EPM2A: variants seen among roughly 807,000 people sequenced by gnomAD.
EPM2A encodes the protein laforin.
EPM2A carries 21 observed loss-of-function variants against 26.5 expected under a neutral mutation model. The ratio of observed to expected loss-of-function variants is 0.79; its 90% CI spans 0.56 to 1.14. EPM2A has a LOEUF of 1.14. Among genes scored for constraint, EPM2A ranks in the 50% most tolerant of loss-of-function variants. The pLI is 0.00. For missense variants in EPM2A, 458 were observed against 440.8 expected (o/e 1.04, Z -0.35); for synonymous variants, 217 against 177.6 (o/e 1.22, Z -1.76).
chr6:145,722,487 G>T (rs923525743), intron 1 of EPM2A, among the ~76,000 whole-genome samples: 1 of 152,134 alleles, frequency 6.6e-6, no homozygotes, highest in African/African-American at 2.4e-5. Context: ...CTAGAGCTCA[G>T]AGTTTCTATA....
At chr6:145,578,121 A>C (rs7746330) in intron 2 of EPM2A, among the ~76,000 whole-genome samples, 54,943 of 151,870 alleles carry the variant, frequency 0.36, 10,396 homozygotes, top group South Asian at 0.51. Context: ...AAAACAACCT[A>C]ATGATGCATC....
chr6:145,617,486 A>G (rs183634402), intron 2 of EPM2A, among the ~76,000 whole-genome samples: 25 of 152,374 alleles, frequency 1.6e-4, no homozygotes, highest in Non-Finnish European at 1.9e-4. Context: ...CTAGTATTAT[A>G]TAGAAAGAGA....
At chr6:145,575,083 A>G (rs1056217648) in intron 2 of EPM2A, among the ~76,000 whole-genome samples, 12 of 151,976 alleles carry the variant, frequency 7.9e-5, no homozygotes, top group East Asian at 1.9e-4. Context: ...GAGAATCAAC[A>G]TTATCTTGCC....
intron 4 of EPM2A, among the ~76,000 whole-genome samples, chr6:145,444,894 A>G (rs542240129): frequency 6.1e-4 from 93 of 151,408 alleles, no homozygotes; most frequent in African/African-American, 2.2e-3. Flanking sequence ...GACTTTTCTG[A>G]ACTAATTCTC....
chr6:145,620,782 C>T (rs1015134126), downstream of EPM2A, among the ~76,000 whole-genome samples: 1 of 152,114 alleles, frequency 6.6e-6, no homozygotes, highest in Admixed American at 6.5e-5. Context: ...ATAGTAATTG[C>T]ATATTGTTCA....
rs1343671116 is a variant in EPM2A, at chr6:145,602,938, C to A, written c.340+32307G>T. Among the ~76,000 whole-genome samples the A allele has an allele frequency of 2.0e-5, 3 of 152,154 alleles. No homozygotes were observed. In the East Asian group the frequency reaches 5.8e-4, roughly 29 times the overall value. ...AGGAATCCACGCAAGTCAGCATAAG[C>A]CTCAGTAGCTTCATGGAAATCCTGC... On this transcript the variant is annotated intron_variant, in intron 2 of 3. Coordinates refer to the EPM2A transcript ENST00000450221.
At chr6:145,405,941 T>C (rs1448505780) in intron 4 of EPM2A, among the ~76,000 whole-genome samples, 1 of 151,714 alleles carries the variant, frequency 6.6e-6, no homozygotes, top group Non-Finnish European at 1.5e-5. Flanking sequence ...TAATTGCTTA[T>C]GAAAATCTCT....
At chr6:145,668,287 A>G (rs889565182) in intron 2 of EPM2A, among the ~76,000 whole-genome samples, 1 of 152,212 alleles carries the variant, frequency 6.6e-6, no homozygotes, top group Non-Finnish European at 1.5e-5. Flanking sequence ...GAGACAAGCA[A>G]TTAACATAAT....
chr6:145,521,922 C>T lies in EPM2A; in HGVS notation c.341-19347G>A, dbSNP rs114329496. Among the ~76,000 whole-genome samples, 635 of 152,310 alleles carry T rather than the reference C, an allele frequency of 4.2e-3. 3 individuals carry two copies. The highest frequency in any genetic ancestry group is 0.015 in the African/African-American group (608 of 41,554). Reference sequence around the variant, plus strand: ...GATCCATGTCTTTATATCCTTTCCACATTAGCTATTTTGGCCCTAAGTATA... The same window carrying T: ...GATCCATGTCTTTATATCCTTTCCATATTAGCTATTTTGGCCCTAAGTATA... On this transcript the variant is annotated intron_variant, in intron 2 of 3. Transcript: ENST00000450221.
chr6:145,670,964 T>C (rs984500508), intron 2 of EPM2A: 1 of 984,544 alleles, frequency 1.0e-6, no homozygotes, highest in African/African-American at 1.7e-5. Context: ...TTCCTACTGA[T>C]ATGAACAATT....
intron 2 of EPM2A, among the ~76,000 whole-genome samples, chr6:145,537,764 C>G (rs1043330676): frequency 2.6e-5 from 4 of 151,852 alleles, no homozygotes; most frequent in African/African-American, 7.3e-5. Flanking sequence ...CTCCCCACCC[C>G]CCGACAGGCC....
intron 2 of EPM2A, among the ~76,000 whole-genome samples, chr6:145,538,821 G>A (rs1780469362): frequency 6.6e-6 from 1 of 152,192 alleles, no homozygotes; most frequent in Non-Finnish European, 1.5e-5. Flanking sequence ...ATTCTTTGGA[G>A]TAATTCACAC....
intron 2 of EPM2A, among the ~76,000 whole-genome samples, chr6:145,509,555 C>A (rs1250440737): frequency 1.3e-5 from 2 of 152,116 alleles, no homozygotes; most frequent in Non-Finnish European, 2.9e-5. Flanking sequence ...AATTTGTTAG[C>A]ACTAGACTGG....
At chr6:145,671,473 G>A in intron 2 of EPM2A, 3 of 738,874 alleles carry the variant, frequency 4.1e-6, no homozygotes, top group Non-Finnish European at 5.0e-6. Context: ...TGTGATATAA[G>A]CCTTAGCTTT....
chr6:145,617,158 A>G (rs1775531522), intron 2 of EPM2A, among the ~76,000 whole-genome samples: 1 of 152,174 alleles, frequency 6.6e-6, no homozygotes, highest in South Asian at 2.1e-4. Flanking sequence ...TCATGGGGGC[A>G]GGTCTTTTCT....
chr6:145,642,725 C>A (rs1353335966), intron 2 of EPM2A, among the ~76,000 whole-genome samples: 1 of 152,088 alleles, frequency 6.6e-6, no homozygotes, highest in Non-Finnish European at 1.5e-5. Flanking sequence ...GAGGCAGATA[C>A]CCAAAGTCCT....
chr6:145,663,343 G>A (rs1442427782), intron 2 of EPM2A, among the ~76,000 whole-genome samples: 1 of 152,230 alleles, frequency 6.6e-6, no homozygotes, highest in Non-Finnish European at 1.5e-5. Flanking sequence ...TTCCATCTGA[G>A]GTACCGGGTT....
rs1295507660 is a variant in EPM2A at position 145,665,765 on chromosome 6, A to G, written c.476+20357T>C. 1.3e-4 allele frequency among the ~76,000 whole-genome samples: 13 copies of G among 102,478 alleles called. No individual in the cohort carries two copies. The South Asian group carries it at 3.9e-3, about 31-fold the overall frequency. The allele number at this position is 102,478 out of a possible 152,430, so 67.2% of individuals were successfully genotyped here. ...ATGAACATTGATGCAAAAATCCTCAATAAAATACTGGCAAACCGAATCCAG... is the reference window on the plus strand; with the variant it reads ...ATGAACATTGATGCAAAAATCCTCAGTAAAATACTGGCAAACCGAATCCAG... On this transcript the variant is annotated intron_variant, in intron 2 of 3. Coordinates refer to ENST00000367519, the MANE Select transcript of EPM2A (RefSeq NM_005670.4).
chr6:145,466,966 G>A (rs1779406460), intron 4 of EPM2A, among the ~76,000 whole-genome samples: 2 of 152,228 alleles, frequency 1.3e-5, no homozygotes, highest in Admixed American at 1.3e-4. Flanking sequence ...ACACAGGAAG[G>A]GGAACATCAC....
Sources: gnomAD v4.1 joint callset for allele counts (sites outside exome capture counted in the v4.1 genomes callset) on GRCh38, gnomAD v4.1.1 for gene constraint, MANE v1.5 for transcripts, NCBI Gene and HGNC (gene_info 2026-07-23, HGNC 2026-07-21) for gene names.